NPHP4: variants seen among roughly 807,000 people sequenced by gnomAD.
NPHP4 encodes nephrocystin 4.
In NPHP4, 151 loss-of-function variants were observed where a neutral mutation model predicts 155.8. The observed-to-expected ratio is 0.97, with a 90% CI of 0.85 to 1.11. NPHP4 has a LOEUF of 1.11. Among genes scored for constraint, NPHP4 ranks in the 50% least tolerant of loss-of-function variants. NPHP4 has a pLI of 0.00. For missense variants in NPHP4, 1,956 were observed against 1,925.7 expected (o/e 1.02, Z -0.29); for synonymous variants, 845 against 816.8 (o/e 1.03, Z -0.59).
At chr1:5,975,201 CAT>C (rs371538168) in intron 3 of NPHP4, among the ~76,000 whole-genome samples, 162 of 152,324 alleles carry the variant, frequency 1.1e-3, no homozygotes, top group African/African-American at 2.6e-3. Context: ...GATGTGCACA[CAT>C]GTTTGCACAC....
chr1:5,872,327 C>T (rs1170527316), intron 23 of NPHP4, among the ~76,000 whole-genome samples: 1 of 152,242 alleles, frequency 6.6e-6, no homozygotes, highest in East Asian at 1.9e-4. Flanking sequence ...TTGCTGCTGT[C>T]CCTCTGTCTA....
rs115098667 is a variant in NPHP4, at chr1:5,877,319, G to A, written c.2612-21C>T. On this transcript the variant is annotated intron_variant, in intron 19 of 29. Coordinates refer to ENST00000378156, the MANE Select transcript of NPHP4 (RefSeq NM_015102.5). ...TTTTCCTGCGAAAGGGTCAGAGCGC[G>A]AGTCAGGTAGACGTGCAGTGTCTGC... 7.4e-4 allele frequency: 1,160 copies of A among 1,560,834 alleles called. 10 individuals are homozygous for A. In the African/African-American group the frequency reaches 0.013, roughly 17 times the overall value.
In NPHP4 at chr1:5,863,568, A is replaced by G. The variant is rs1570022538; in HGVS notation, c.4141-163T>C. 3 of 772,106 alleles carry G rather than the reference A, an allele frequency of 3.9e-6. No homozygotes were observed. In the East Asian group the frequency reaches 7.6e-5, roughly 20 times the overall value. 47.8% of individuals were successfully genotyped at this position (772,106 alleles called of 1,614,324 possible). A position where few individuals can be genotyped will look rare whatever the true frequency, so the allele number is the denominator to read the frequency against. ...GCCTTTGACTTCAGCGCCCGGTACA[A>G]GGATGGGAACCAGTGCTCAGCCAGT... On this transcript the variant is annotated intron_variant, in intron 29 of 29. Coordinates refer to ENST00000378156, the MANE Select transcript of NPHP4 (RefSeq NM_015102.5).
chr1:5,985,752 G>A (rs1025178346), intron 2 of NPHP4, among the ~76,000 whole-genome samples: 4 of 152,178 alleles, frequency 2.6e-5, no homozygotes, highest in African/African-American at 7.2e-5. Flanking sequence ...AGACTCAAAC[G>A]AGTAAGTGAA....
At chr1:5,983,539 A>C (rs1266980623) in intron 2 of NPHP4, among the ~76,000 whole-genome samples, 1 of 151,980 alleles carries the variant, frequency 6.6e-6, no homozygotes, top group Non-Finnish European at 1.5e-5. Context: ...CTGAGAGAGG[A>C]CTCTTGGAAG....
chr1:5,885,246 A>G (rs899885113), intron 18 of NPHP4, among the ~76,000 whole-genome samples: 2 of 149,130 alleles, frequency 1.3e-5, no homozygotes, highest in African/African-American at 5.0e-5. Context: ...CCAAGCTCCC[A>G]GCCAAACCCG....
At chr1:5,912,901 A>T (rs927017464) in intron 11 of NPHP4, among the ~76,000 whole-genome samples, 3 of 152,158 alleles carry the variant, frequency 2.0e-5, no homozygotes, top group African/African-American at 7.2e-5. Context: ...TGGCTGAGCC[A>T]CCACAGGACC....
Position 5,961,867 on chromosome 1 carries a change from G to A in NPHP4, c.600C>T (p.His200=), listed in dbSNP as rs376039101. The part of the protein sequence containing the change: ...KPHPALEPAF[H]LLPENLLVSG... The stretch of plus-strand genomic sequence containing the variant: ...ACACCAGAAGGTTCTCAGGAAGAAG[G>A]TGGAACGCAGGCTCCAGGGCCGGGT... The change falls in exon 6 of 30, where the codon CAC becomes CAT. Residue 200 remains histidine, a synonymous_variant. Coordinates refer to ENST00000378156, the MANE Select transcript of NPHP4 (RefSeq NM_015102.5). 9.3e-6 allele frequency: 15 copies of A among 1,613,766 alleles called. No homozygotes were observed. The highest frequency in any genetic ancestry group is 5.3e-5 in the African/African-American group (4 of 74,940).
At chr1:5,869,027 A>C (rs954331936) in intron 23 of NPHP4, among the ~76,000 whole-genome samples, 5 of 138,762 alleles carry the variant, frequency 3.6e-5, no homozygotes, top group Admixed American at 7.2e-5. Flanking sequence ...ACACATGCAC[A>C]CACATACATG....
chr1:5,887,616 GGGGTGAGGGGGCGGCGAGCC>G lies in NPHP4; in HGVS notation c.2305-170_2305-151del, dbSNP rs1643891861. ...AGGATAAGACCCTGCACCACGCTGGGGGGTGAGGGGGCGGCGAGCCAGGCGCCAACGTCTTAAAGCAGGAC... is the reference window on the plus strand; with the variant it reads ...AGGATAAGACCCTGCACCACGCTGGGAGGCGCCAACGTCTTAAAGCAGGAC... On this transcript the variant is annotated intron_variant, in intron 17 of 29. Transcript: ENST00000378156. The G allele has an allele frequency of 5.3e-6, 4 of 758,352 alleles. No homozygotes were observed. In the East Asian group the frequency reaches 1.1e-4, roughly 20 times the overall value. The allele number at this position is 758,352 out of a possible 1,614,324, so 47.0% of individuals were successfully genotyped here.
rs539483564 is a variant in NPHP4 at position 5,979,220 on chromosome 1, C to T, written c.136-807G>A. On this transcript the variant is annotated intron_variant, in intron 2 of 29. Transcript: ENST00000378156. ...AAACGTTACTTACACATCTATTCTGCGCATTGACTCTCTGCCAGGCACATT... is the reference window on the plus strand; with the variant it reads ...AAACGTTACTTACACATCTATTCTGTGCATTGACTCTCTGCCAGGCACATT... Among the ~76,000 whole-genome samples, 57 of 152,328 alleles carry T rather than the reference C, an allele frequency of 3.7e-4. 1 individual carries two copies. Among genetic ancestry groups the T allele is most frequent in the African/African-American group, 1.3e-3 (52 of 41,576 alleles).
intron 9 of NPHP4, among the ~76,000 whole-genome samples, chr1:5,935,674 A>G (rs1646501205): frequency 1.3e-5 from 2 of 152,216 alleles, no homozygotes; most frequent in East Asian, 1.9e-4. Flanking sequence ...CAGGAGTTCA[A>G]GACCACCCTG....
intron 3 of NPHP4, among the ~76,000 whole-genome samples, chr1:5,973,903 C>T (rs148873796): frequency 7.1e-4 from 108 of 152,334 alleles, no homozygotes; most frequent in African/African-American, 2.5e-3. Flanking sequence ...GGAAGCAGCT[C>T]GCTGGGACAC....
At chr1:5,869,230 C>T (rs971796977) in intron 23 of NPHP4, among the ~76,000 whole-genome samples, 1 of 144,628 alleles carries the variant, frequency 6.9e-6, no homozygotes, top group African/African-American at 2.6e-5. Context: ...CATCCACCCA[C>T]ATGCACACAC....
chr1:5,951,558 G>T (rs1648058681), intron 7 of NPHP4, among the ~76,000 whole-genome samples: 1 of 152,174 alleles, frequency 6.6e-6, no homozygotes, highest in Non-Finnish European at 1.5e-5. Flanking sequence ...CAGGCAAGGG[G>T]GCTGAGCCCA....
intron 16 of NPHP4, among the ~76,000 whole-genome samples, chr1:5,894,131 C>T (rs918795337): frequency 1.1e-4 from 16 of 152,214 alleles, no homozygotes; most frequent in Admixed American, 1.3e-4. Flanking sequence ...CTCATGTCCT[C>T]GTTCTCTTGC....
chr1:5,958,643 C>T (rs1310296870), intron 6 of NPHP4, among the ~76,000 whole-genome samples: 1 of 150,378 alleles, frequency 6.6e-6, no homozygotes, highest in Non-Finnish European at 1.5e-5. Flanking sequence ...TGTAGTGAGC[C>T]GAGATTGTGC....
At chr1:5,915,895 G>A (rs540672917) in intron 11 of NPHP4, among the ~76,000 whole-genome samples, 2 of 152,270 alleles carry the variant, frequency 1.3e-5, no homozygotes, top group South Asian at 4.2e-4. Context: ...CCATGTGATT[G>A]ACTGAACCAC....
chr1:5,914,257 C>CAAAAAAAAAAAAA (rs575438284), intron 11 of NPHP4, among the ~76,000 whole-genome samples: 11 of 47,394 alleles, frequency 2.3e-4, no homozygotes, highest in Non-Finnish European at 2.5e-4. Context: ...CTTATCTATA[C>CAAAAAAAAAAAAA]AAAAAAAAAA....
Sources: allele counts gnomAD v4.1 joint callset (sites outside exome capture counted in the v4.1 genomes callset), GRCh38; gene constraint gnomAD v4.1.1; transcripts MANE v1.5; gene names NCBI Gene and HGNC (gene_info 2026-07-23, HGNC 2026-07-21).